NRXN3: variants seen among roughly 807,000 people sequenced by gnomAD.
The protein encoded by NRXN3 is neurexin 3.
NRXN3 carries 32 observed loss-of-function variants against 137.6 expected under a neutral mutation model. The observed-to-expected ratio is 0.23, with a 90% CI of 0.18 to 0.31. The LOEUF (loss-of-function observed/expected upper bound fraction) is 0.31, where lower values mean the gene tolerates loss of function less well. Among genes scored for constraint, NRXN3 ranks in the 10% least tolerant of loss-of-function variants. The probability of loss-of-function intolerance (pLI) is 1.00; values close to 1 mark genes in which losing one functional copy is unlikely to be tolerated. For synonymous variants in NRXN3, 798 were observed against 784.5 expected, an observed-to-expected ratio of 1.02 and a Z score of -0.29; for missense variants, 1,574 against 2,062.5, an observed-to-expected ratio of 0.76 and a Z score of 4.59.
intron 15 of NRXN3, among the ~76,000 whole-genome samples, chr14:79,011,545 A>T (rs1269727641): frequency 2.0e-5 from 3 of 151,860 alleles, no homozygotes; most frequent in Non-Finnish European, 4.4e-5. Context: ...AATTAAACTT[A>T]TTTGAAAATT....
intron 2 of NRXN3, among the ~76,000 whole-genome samples, chr14:78,246,568 G>T (rs2067710978): frequency 6.6e-6 from 1 of 152,130 alleles, no homozygotes; most frequent in Non-Finnish European, 1.5e-5. Context: ...AGGATGTTGC[G>T]GGAGGTAACA....
At chr14:79,524,352 G>C (rs1157607735) in intron 16 of NRXN3, among the ~76,000 whole-genome samples, 1 of 152,132 alleles carries the variant, frequency 6.6e-6, no homozygotes, top group Non-Finnish European at 1.5e-5. Context: ...CTAATAACCA[G>C]ATTGTCAGGT....
chr14:79,131,589 G>A (rs2152962845), intron 15 of NRXN3, among the ~76,000 whole-genome samples: 1 of 152,376 alleles, frequency 6.6e-6, no homozygotes, highest in Admixed American at 6.5e-5. Context: ...CAAGCTGTCA[G>A]ACAGGGTCAT....
At chr14:79,722,008 A>G (rs1054369988) in intron 19 of NRXN3, among the ~76,000 whole-genome samples, 2 of 152,134 alleles carry the variant, frequency 1.3e-5, no homozygotes, top group Non-Finnish European at 2.9e-5. Flanking sequence ...GTCAGACATT[A>G]CAGATTTTAT....
chr14:79,818,727 C>G (rs1038349604), intron 20 of NRXN3, among the ~76,000 whole-genome samples: 3 of 152,214 alleles, frequency 2.0e-5, no homozygotes, highest in East Asian at 3.9e-4. Flanking sequence ...AACACACACA[C>G]ACTTTTTGTG....
intron 15 of NRXN3, among the ~76,000 whole-genome samples, chr14:79,432,824 C>T (rs2095785758): frequency 1.3e-5 from 2 of 152,100 alleles, no homozygotes; most frequent in African/African-American, 2.4e-5. Flanking sequence ...TTGTGATTGG[C>T]ACGTGTTACT....
At chr14:79,459,394 C>T (rs1208045926) in intron 15 of NRXN3, among the ~76,000 whole-genome samples, 1 of 151,936 alleles carries the variant, frequency 6.6e-6, no homozygotes, top group Non-Finnish European at 1.5e-5. Context: ...GGTGGGCCCT[C>T]ATCCAATAAG....
chr14:78,545,309 A>G (rs937749087), intron 4 of NRXN3, among the ~76,000 whole-genome samples: 2 of 152,172 alleles, frequency 1.3e-5, no homozygotes, highest in African/African-American at 2.4e-5. Context: ...TTGTTTCTTA[A>G]TTTACTTTAA....
intron 20 of NRXN3, chr14:79,854,011 A>G (rs552295205): frequency 1.6e-5 from 16 of 984,270 alleles, no homozygotes; most frequent in Admixed American, 6.2e-5. Flanking sequence ...GTGTGGATGT[A>G]TGTGTTGTTG....
At position 79,213,820 on chromosome 14, in the gene NRXN3, GA is replaced by G. The variant is rs1307832058; in HGVS notation, c.3262+225681del. Among the ~76,000 whole-genome samples, 8 of 152,268 alleles carry G rather than the reference GA, an allele frequency of 5.3e-5. No individual in the cohort carries two copies. In the South Asian group the frequency reaches 1.5e-3, roughly 28 times the overall value. ...TTTCAAAATGTCAGCACCAGTTCCA[GA>G]AGGAGGGACTGGCCCTTGTGATGGC... On this transcript the variant is annotated intron_variant, in intron 15 of 20. Transcript: ENST00000335750.
chr14:78,354,655 C>A (rs1306693272), intron 4 of NRXN3, among the ~76,000 whole-genome samples: 1 of 152,200 alleles, frequency 6.6e-6, no homozygotes, highest in Non-Finnish European at 1.5e-5. Context: ...TTCCCTGTTT[C>A]TAGAAGAGCT....
At chr14:79,340,011 C>T (rs1173902375) in intron 15 of NRXN3, among the ~76,000 whole-genome samples, 1 of 152,118 alleles carries the variant, frequency 6.6e-6, no homozygotes, top group African/African-American at 2.4e-5. Context: ...AAGTGTTTTC[C>T]TATGTCCTGT....
At chr14:78,918,085 A>G (rs61994009) in intron 10 of NRXN3, among the ~76,000 whole-genome samples, 4,900 of 151,738 alleles carry the variant, frequency 0.032, 120 homozygotes, top group African/African-American at 0.067. Context: ...GGAGAGTTCA[A>G]GACAAGCCTG....
chr14:78,386,476 A>C (rs2089990284), intron 4 of NRXN3, among the ~76,000 whole-genome samples: 1 of 152,088 alleles, frequency 6.6e-6, no homozygotes, highest in Admixed American at 6.6e-5. Context: ...GCATCTTACC[A>C]AGGGACCCAG....
At chr14:78,834,164 A>G (rs1278297274) in intron 10 of NRXN3, among the ~76,000 whole-genome samples, 1 of 152,122 alleles carries the variant, frequency 6.6e-6, no homozygotes, top group African/African-American at 2.4e-5. Context: ...TGGCCAAGGT[A>G]AGGAGTTTGC....
intron 16 of NRXN3, among the ~76,000 whole-genome samples, chr14:79,650,172 G>A (rs979183868): frequency 5.9e-5 from 9 of 152,138 alleles, no homozygotes; most frequent in Admixed American, 1.3e-4. Flanking sequence ...CGTCAGAAGC[G>A]TGTTGTGAGA....
intron 10 of NRXN3, among the ~76,000 whole-genome samples, chr14:78,921,732 C>T (rs1242089887): frequency 6.6e-6 from 1 of 151,902 alleles, no homozygotes; most frequent in African/African-American, 2.4e-5. Context: ...AAAATGATGC[C>T]CACATGGATT....
intron 19 of NRXN3, among the ~76,000 whole-genome samples, chr14:79,743,229 G>A (rs1568082775): frequency 6.6e-6 from 1 of 152,176 alleles, no homozygotes; most frequent in Non-Finnish European, 1.5e-5. Context: ...AGGAGCACAT[G>A]CTAGAGGCCT....
chr14:78,507,944 T>C (rs2096025880), intron 4 of NRXN3, among the ~76,000 whole-genome samples: 1 of 152,206 alleles, frequency 6.6e-6, no homozygotes, highest in African/African-American at 2.4e-5. Context: ...GTTCTCTTTA[T>C]ACAGAGATGA....
Sources: gnomAD v4.1 joint callset for allele counts (sites outside exome capture counted in the v4.1 genomes callset) on GRCh38, gnomAD v4.1.1 for gene constraint, MANE v1.5 for transcripts, NCBI Gene and HGNC (gene_info 2026-07-23, HGNC 2026-07-21) for gene names.